PACRG: variants seen among roughly 807,000 people sequenced by gnomAD.
The protein encoded by PACRG is parkin coregulated gene protein.
Under a neutral mutation model 29.7 loss-of-function variants are expected in PACRG, and 29 were observed. The observed-to-expected ratio is 0.98, with a 90% CI of 0.73 to 1.33. The LOEUF (loss-of-function observed/expected upper bound fraction) is 1.33. Ranked by LOEUF, PACRG falls within the 40% of genes most tolerant of loss-of-function variation. The pLI, the probability that PACRG is intolerant of heterozygous loss-of-function variation, is 0.00. For missense variants in PACRG, 279 were observed against 316.2 expected (o/e 0.88, Z 0.89); for synonymous variants, 116 against 118.7 (o/e 0.98, Z 0.15).
intron 4 of PACRG, among the ~76,000 whole-genome samples, chr6:163,261,224 A>G (rs1042529628): frequency 6.6e-6 from 1 of 152,036 alleles, no homozygotes; most frequent in African/African-American, 2.4e-5. Context: ...CATGCCAGGC[A>G]GGCACTGGAT....
chr6:162,813,217 G>T (rs1457348063), intron 1 of PACRG, among the ~76,000 whole-genome samples: 1 of 151,488 alleles, frequency 6.6e-6, no homozygotes, highest in Non-Finnish European at 1.5e-5. Flanking sequence ...AAAAATATTA[G>T]GTTATATTAT....
chr6:162,732,108 C>A (rs780511375), intron 1 of PACRG, among the ~76,000 whole-genome samples: 2 of 152,160 alleles, frequency 1.3e-5, no homozygotes, highest in Non-Finnish European at 2.9e-5. Context: ...CTTTCATTCT[C>A]ATCCAACTGG....
intron 2 of PACRG, among the ~76,000 whole-genome samples, chr6:163,034,820 C>T (rs777008168): frequency 2.6e-5 from 4 of 152,156 alleles, no homozygotes; most frequent in South Asian, 2.1e-4. Context: ...TTGGACCTCG[C>T]GCAAGAAAGA....
intron 4 of PACRG, among the ~76,000 whole-genome samples, chr6:163,138,577 A>G (rs1038033284): frequency 5.9e-5 from 9 of 152,180 alleles, no homozygotes; most frequent in African/African-American, 2.2e-4. Context: ...TGCGCAGTTC[A>G]CAATAGGGTT....
intron 1 of PACRG, among the ~76,000 whole-genome samples, chr6:162,741,028 G>A (rs6900416): frequency 0.23 from 35,480 of 151,998 alleles, 5,142 homozygotes; most frequent in African/African-American, 0.39. Context: ...GTCTGTTAAC[G>A]TTAATTATGT....
chr6:163,247,817 C>T (rs1415253470), intron 4 of PACRG, among the ~76,000 whole-genome samples: 5 of 152,154 alleles, frequency 3.3e-5, no homozygotes, highest in South Asian at 2.1e-4. Context: ...TGTCTCTTTC[C>T]GTTAAAAGCA....
intron 2 of PACRG, among the ~76,000 whole-genome samples, chr6:162,945,573 T>C (rs1003949948): frequency 6.6e-6 from 1 of 152,064 alleles, no homozygotes; most frequent in African/African-American, 2.4e-5. Flanking sequence ...CACCCCAGTC[T>C]CAGCATTAGA....
chr6:162,826,682 C>T (rs1430426045), intron 2 of PACRG, among the ~76,000 whole-genome samples: 1 of 152,032 alleles, frequency 6.6e-6, no homozygotes, highest in South Asian at 2.1e-4. Context: ...AGGCTGGTCT[C>T]GAACTCCTGA....
At chr6:163,267,718 C>T (rs543720296) in intron 4 of PACRG, among the ~76,000 whole-genome samples, 1 of 152,248 alleles carries the variant, frequency 6.6e-6, no homozygotes, top group South Asian at 2.1e-4. Flanking sequence ...TTAGAACAAT[C>T]GTATAAATCC....
intron 4 of PACRG, among the ~76,000 whole-genome samples, chr6:163,121,417 A>G (rs1204125162): frequency 6.6e-6 from 1 of 152,020 alleles, no homozygotes; most frequent in Non-Finnish European, 1.5e-5. Context: ...TTATCTGTCT[A>G]CCTCGGGGCT....
intron 2 of PACRG, among the ~76,000 whole-genome samples, chr6:162,818,451 A>G (rs1307333260): frequency 6.6e-6 from 1 of 152,166 alleles, no homozygotes; most frequent in African/African-American, 2.4e-5. Flanking sequence ...AAGAAATGCT[A>G]TATGAATTGG....
intron 4 of PACRG, among the ~76,000 whole-genome samples, chr6:163,199,584 C>A (rs9456841): frequency 1.3e-5 from 2 of 151,972 alleles, no homozygotes; most frequent in Non-Finnish European, 2.9e-5. Context: ...GGCAGTGCAG[C>A]CCAGGAGGCC....
Position 163,315,107 on chromosome 6 carries a change from G to A in PACRG, c.*120G>A. On this transcript the variant is annotated 3_prime_UTR_variant, in exon 5 of 5. Coordinates refer to ENST00000366888, the MANE Select transcript of PACRG (RefSeq NM_001080379.2). ...TTTCTTTTCTACAGCTGCTAAAATA[G>A]TGGCTTATGGGCCATTGGACTGTTA... is the stretch of plus-strand genomic sequence containing the variant. 8.3e-7 allele frequency: 1 copy of A among 1,208,238 alleles called. No individual in the cohort carries two copies. The highest frequency in any genetic ancestry group is 1.2e-6 in the Non-Finnish European group (1 of 864,048). The allele number at this position is 1,208,238 out of a possible 1,614,324, so 74.8% of individuals were successfully genotyped here.
At chr6:162,979,107 C>A (rs193073661) in intron 2 of PACRG, among the ~76,000 whole-genome samples, 151 of 152,234 alleles carry the variant, frequency 9.9e-4, no homozygotes, top group Non-Finnish European at 1.4e-3. Context: ...TTTATAATGA[C>A]CTGCTTTCTT....
chr6:162,821,978 A>G (rs1418709123), intron 2 of PACRG, among the ~76,000 whole-genome samples: 4 of 152,174 alleles, frequency 2.6e-5, no homozygotes, highest in African/African-American at 9.7e-5. Flanking sequence ...ATCCTCCCAG[A>G]TAACAACTTT....
chr6:162,880,140 A>G (rs1300350618), intron 2 of PACRG, among the ~76,000 whole-genome samples: 3 of 152,234 alleles, frequency 2.0e-5, no homozygotes, highest in Admixed American at 1.3e-4. Context: ...TACTGGAAAG[A>G]GGAAAGGTCT....
At chr6:162,846,534 C>A (rs80319313) in intron 2 of PACRG, among the ~76,000 whole-genome samples, 2,318 of 152,284 alleles carry the variant, frequency 0.015, 55 homozygotes, top group African/African-American at 0.05. Flanking sequence ...TGAATTTGGT[C>A]TCTCCCATCT....
At chr6:163,029,624 A>G (rs1022077660) in intron 2 of PACRG, among the ~76,000 whole-genome samples, 5 of 152,144 alleles carry the variant, frequency 3.3e-5, no homozygotes, top group African/African-American at 9.7e-5. Flanking sequence ...AAGCTTTTCT[A>G]CCTCTTGAGA....
chr6:162,806,782 G>A (rs1363806464), intron 1 of PACRG, among the ~76,000 whole-genome samples: 1 of 152,148 alleles, frequency 6.6e-6, no homozygotes, highest in Non-Finnish European at 1.5e-5. Flanking sequence ...TCAACTTAGA[G>A]TCACCAGCTG....
Sources: gnomAD v4.1 joint callset for allele counts (sites outside exome capture counted in the v4.1 genomes callset) on GRCh38, gnomAD v4.1.1 for gene constraint, MANE v1.5 for transcripts, NCBI Gene and HGNC (gene_info 2026-07-23, HGNC 2026-07-21) for gene names.